Variants in FBXO31 observed in about 807,000 individuals in gnomAD.
The protein encoded by FBXO31 is F-box only protein 31.
In FBXO31, 24 loss-of-function variants were observed where a neutral mutation model predicts 54.4. The ratio of observed to expected loss-of-function variants is 0.44; its 90% confidence interval spans 0.32 to 0.62. The LOEUF (loss-of-function observed/expected upper bound fraction) is 0.62, where lower values mean the gene tolerates loss of function less well. FBXO31 is among the 20% of genes least tolerant of loss of function. The probability of loss-of-function intolerance (pLI) is 0.05; values close to 1 mark genes in which losing one functional copy is unlikely to be tolerated. For missense variants in FBXO31, 665 were observed against 787.1 expected (o/e 0.84, Z 1.86); for synonymous variants, 388 against 335.6 (o/e 1.16, Z -1.71).
chr16:87,374,004 C>T (rs2031288720), intron 1 of FBXO31, among the ~76,000 whole-genome samples: 1 of 152,078 alleles, frequency 6.6e-6, no homozygotes, highest in Non-Finnish European at 1.5e-5. Context: ...CTTTGGGAGA[C>T]CAAGGCAGGA....
chr16:87,357,268 T>G (rs899275554), intron 2 of FBXO31, among the ~76,000 whole-genome samples: 2 of 150,598 alleles, frequency 1.3e-5, no homozygotes, highest in Non-Finnish European at 3.0e-5. Context: ...GAGACAGCAT[T>G]AAATTCCTAT....
chr16:87,377,071 G>A (rs919684236), intron 1 of FBXO31, among the ~76,000 whole-genome samples: 1 of 152,250 alleles, frequency 6.6e-6, no homozygotes, highest in African/African-American at 2.4e-5. Context: ...TGAAAATCTA[G>A]TTGTTTACCA....
intron 2 of FBXO31, among the ~76,000 whole-genome samples, chr16:87,359,321 C>T (rs1259233620): frequency 6.6e-6 from 1 of 152,312 alleles, no homozygotes; most frequent in Admixed American, 6.5e-5. Flanking sequence ...TGCCTATGCC[C>T]GGATGGCCTC....
Position 87,370,714 on chromosome 16 carries a change from G to C in FBXO31, c.341-10348C>G, listed in dbSNP as rs573439971. Among the ~76,000 whole-genome samples the C allele has an allele frequency of 2.8e-3, 434 of 152,346 alleles. 2 individuals carry two copies. The highest frequency in any genetic ancestry group is 9.3e-3 in the African/African-American group (387 of 41,570). The stretch of plus-strand genomic sequence containing the variant: ...GCTGGGTCTCAGCCTCCCTGGAGCA[G>C]AGTGAAGCCAGGAGCAGAGGGGGCG... On this transcript the variant is annotated intron_variant, in intron 1 of 8. Transcript: ENST00000311635.
At position 87,336,035 on chromosome 16, in the gene FBXO31, G is replaced by A; in HGVS notation, c.842+120C>T. The stretch of plus-strand genomic sequence containing the variant: ...ACTCCCAGCCCCCAGCAGGAGAGAG[G>A]GCTGAACCCCAGCACCCACTGAGAC... On this transcript the variant is annotated intron_variant, in intron 6 of 8. Transcript: ENST00000311635. This position sits in a 1 kb window ranked among gnomAD's most constrained non-coding sequence, Gnocchi z 6.5. 1.4e-6 allele frequency: 1 copy of A among 739,508 alleles called. No individual in the cohort carries two copies. The highest frequency in any genetic ancestry group is 1.8e-5 in the South Asian group (1 of 55,740). The allele number at this position is 739,508 out of a possible 1,614,324, so 45.8% of individuals were successfully genotyped here. A position where few individuals can be genotyped will look rare whatever the true frequency, so the allele number is the denominator to read the frequency against.
intron 1 of FBXO31, among the ~76,000 whole-genome samples, chr16:87,369,583 C>G (rs1183085892): frequency 6.6e-6 from 1 of 152,188 alleles, no homozygotes; most frequent in Non-Finnish European, 1.5e-5. Context: ...CATGGATGAG[C>G]ACCTGGGATG....
In FBXO31 at chr16:87,335,295, G is replaced by A. The variant is rs201115565; in HGVS notation, c.996+9C>T. ...CAGAGCCCCACCAACCAGGTCAGCC[G>A]CCACTCACCGTGATCTTGGTGCCCC... On this transcript the variant is annotated intron_variant, in intron 7 of 8. Transcript: ENST00000311635. This position sits in a 1 kb window ranked among gnomAD's most constrained non-coding sequence, Gnocchi z 5.7. 1.2e-4 allele frequency: 199 copies of A among 1,612,818 alleles called. No individual in the cohort carries two copies. In the African/African-American group the frequency reaches 2.3e-3, roughly 18 times the overall value.
At chr16:87,333,589 G>A (rs1387050892) in intron 8 of FBXO31, among the ~76,000 whole-genome samples, 4 of 152,202 alleles carry the variant, frequency 2.6e-5, no homozygotes, top group East Asian at 3.9e-4. Flanking sequence ...CTGGGGGAGC[G>A]GCACTATTGC....
At chr16:87,344,688 C>A (rs1276233132) in intron 3 of FBXO31, among the ~76,000 whole-genome samples, 2 of 152,048 alleles carry the variant, frequency 1.3e-5, no homozygotes, top group African/African-American at 4.8e-5. Flanking sequence ...AAAACAATTA[C>A]CCTTCCTCCA....
At position 87,346,726 on chromosome 16, in the gene FBXO31, T is replaced by C. The variant is rs964780128; in HGVS notation, c.489+448A>G. ...GGGCTTTCCGTTCGAGAGGCTCCAG[T>C]AGGAGGGCACAGGGGGCGGGAGGCA... is the stretch of plus-strand genomic sequence containing the variant. On this transcript the variant is annotated intron_variant, in intron 3 of 8. Coordinates refer to ENST00000311635, the MANE Select transcript of FBXO31 (RefSeq NM_024735.5). This position sits in a 1 kb window ranked among gnomAD's most constrained non-coding sequence, Gnocchi z 4.2. Among the ~76,000 whole-genome samples, 8 of 151,984 alleles carry C rather than the reference T, an allele frequency of 5.3e-5. No homozygotes were observed. Among genetic ancestry groups the C allele is most frequent in the Non-Finnish European group, 1.2e-4 (8 of 67,976 alleles).
At chr16:87,351,842 C>G (rs1229003528) in intron 2 of FBXO31, among the ~76,000 whole-genome samples, 3 of 152,138 alleles carry the variant, frequency 2.0e-5, no homozygotes, top group Admixed American at 6.5e-5. Context: ...GCACTCCAGC[C>G]TGGGCGACAG....
chr16:87,339,076 G>C (rs1390704716), intron 5 of FBXO31, among the ~76,000 whole-genome samples: 1 of 152,176 alleles, frequency 6.6e-6, no homozygotes, highest in Non-Finnish European at 1.5e-5. Flanking sequence ...ACATGGAACT[G>C]TGAGTCCATG....
chr16:87,385,229 C>T (rs935357623), upstream of FBXO31, among the ~76,000 whole-genome samples: 1 of 152,110 alleles, frequency 6.6e-6, no homozygotes, highest in Non-Finnish European at 1.5e-5. Flanking sequence ...GAGGCCGAGG[C>T]GGGCAGATCA....
At chr16:87,381,912 T>C (rs1039540804) in intron 1 of FBXO31, among the ~76,000 whole-genome samples, 2 of 151,858 alleles carry the variant, frequency 1.3e-5, no homozygotes, top group Non-Finnish European at 2.9e-5. Flanking sequence ...TAGTCCCAGC[T>C]ACTTGGAGGC....
In FBXO31 at chr16:87,338,390, A is replaced by G. The variant is rs1404845537; in HGVS notation, c.733-2126T>C. On this transcript the variant is annotated intron_variant, in intron 5 of 8. Transcript: ENST00000311635. The surrounding 1 kb of genome is among the most constrained non-coding windows in gnomAD (Gnocchi z 4.3). ...GACAAGGATGCCTGCTGGCTGCTTG[A>G]AACAGGAGCATGGCCCATCCTCCCT... Among the ~76,000 whole-genome samples the G allele has an allele frequency of 6.6e-6, 1 of 152,066 alleles. No individual in the cohort carries two copies. The highest frequency in any genetic ancestry group is 1.5e-5 in the Non-Finnish European group (1 of 68,012).
intron 5 of FBXO31, among the ~76,000 whole-genome samples, chr16:87,341,095 C>G (rs1402017338): frequency 1.3e-5 from 2 of 152,150 alleles, no homozygotes; most frequent in Non-Finnish European, 2.9e-5. Context: ...CTCCCCCCAT[C>G]AAGATTCCAG....
At chr16:87,372,835 C>T (rs894927624) in intron 1 of FBXO31, among the ~76,000 whole-genome samples, 2 of 151,162 alleles carry the variant, frequency 1.3e-5, no homozygotes, top group African/African-American at 4.9e-5. Flanking sequence ...TGGGTTCAAG[C>T]ACTTAGTTCT....
At position 87,328,001 on chromosome 16, in the gene FBXO31, T is replaced by C. The variant is rs1219778278; in HGVS notation, c.*3287A>G. On this transcript the variant is annotated 3_prime_UTR_variant, in exon 9 of 9. Coordinates refer to ENST00000311635, the MANE Select transcript of FBXO31 (RefSeq NM_024735.5). ...GTTCGCACCCAAGACCCCACGGCCA[T>C]GAGGACAACACGAGCTCAGAAGATG... 5 of 152,356 alleles carry C rather than the reference T, an allele frequency of 3.3e-5. No homozygotes were observed. The South Asian group carries it at 6.2e-4, about 19-fold the overall frequency. The allele number at this position is 152,356 out of a possible 1,614,324, so 9.4% of individuals were successfully genotyped here. A position where few individuals can be genotyped will look rare whatever the true frequency, so the allele number is the denominator to read the frequency against.
rs1168565370 is a variant in FBXO31, at chr16:87,383,364, ACCCCCCGCCCCTCCCGGC to A, written c.340+23_340+40del. On this transcript the variant is annotated intron_variant, in intron 1 of 8. Transcript: ENST00000311635. This position sits in a 1 kb window ranked among gnomAD's most constrained non-coding sequence, Gnocchi z 4.9. ...GCTCCGAGGCCTCCACCTGGCAGGG[ACCCCCCGCCCCTCCCGGC>A]CCCGCCACCCCCGCGCGCTCACCCT... The A allele has an allele frequency of 1.7e-5, 22 of 1,329,356 alleles. No individual in the cohort carries two copies. Among genetic ancestry groups the A allele is most frequent in the Non-Finnish European group, 2.3e-5 (22 of 975,794 alleles). 82.3% of individuals were successfully genotyped at this position (1,329,356 alleles called of 1,614,324 possible). A position where few individuals can be genotyped will look rare whatever the true frequency, so the allele number is the denominator to read the frequency against.
Sources: allele counts gnomAD v4.1 joint callset (sites outside exome capture counted in the v4.1 genomes callset), GRCh38; gene constraint gnomAD v4.1.1; non-coding constraint Gnocchi (gnomAD v3.1); transcripts MANE v1.5; gene names NCBI Gene and HGNC (gene_info 2026-07-23, HGNC 2026-07-21).